The following BID variants were observed in gnomAD, a reference collection of about 807,000 sequenced individuals.
The protein encoded by BID is BH3-interacting domain death agonist.
BID carries 19 observed loss-of-function variants against 17.4 expected under a neutral mutation model. The ratio of observed to expected loss-of-function variants is 1.09; its 90% CI spans 0.76 to 1.60. The LOEUF is 1.60. BID is among the 40% of genes most tolerant of loss of function. The pLI is 0.00. For missense variants in BID, 226 were observed against 256.0 expected, an observed-to-expected ratio of 0.88 and a Z score of 0.80; for synonymous variants, 108 against 102.8, an observed-to-expected ratio of 1.05 and a Z score of -0.31.
intron 1 of BID, among the ~76,000 whole-genome samples, chr22:17,756,431 TCTTC>T (rs2061586222): frequency 3.6e-5 from 2 of 55,558 alleles, no homozygotes; most frequent in Admixed American, 2.2e-4. Context: ...TTTCTTTCTT[TCTTC>T]TTTCTTTCTT....
rs1337527027 is a variant in BID, at chr22:17,773,994, C to T, written c.-59+387G>A. 2 of 482,642 alleles carry T rather than the reference C, an allele frequency of 4.1e-6. No individual in the cohort carries two copies. The highest frequency in any genetic ancestry group is 7.9e-5 in the East Asian group (2 of 25,188). 29.9% of individuals were successfully genotyped at this position (482,642 alleles called of 1,614,324 possible). Reference sequence around the variant, plus strand: ...TCCGCCGGCAAGGGTGGCCTGCACCCGGCCAGGCCCGCGGGTTTTCTCCTC... The same window carrying T: ...TCCGCCGGCAAGGGTGGCCTGCACCTGGCCAGGCCCGCGGGTTTTCTCCTC... On this transcript the variant is annotated intron_variant, in intron 1 of 5. Transcript: ENST00000622694. This position sits in a 1 kb window ranked among gnomAD's most constrained non-coding sequence, Gnocchi z 4.4.
At chr22:17,754,612 A>G (rs1206258202) in intron 1 of BID, among the ~76,000 whole-genome samples, 2 of 152,280 alleles carry the variant, frequency 1.3e-5, no homozygotes, top group South Asian at 4.1e-4. Context: ...GGACAAGCAC[A>G]GCACACAGGT....
chr22:17,734,353 C>T lies in BID; in HGVS notation c.*1227G>A, dbSNP rs552900481. The T allele has an allele frequency of 3.7e-4, 57 of 152,264 alleles. No homozygotes were observed. Among genetic ancestry groups the T allele is most frequent in the African/African-American group, 1.3e-3 (56 of 41,558 alleles). The allele number at this position is 152,264 out of a possible 1,614,324, so 9.4% of individuals were successfully genotyped here. The stretch of plus-strand genomic sequence containing the variant: ...ATCTGGTAAGAAGAAATCATGAGTC[C>T]GTCAGTGCCCTTACTCATATGCGTC... On this transcript the variant is annotated 3_prime_UTR_variant, in exon 6 of 6. Transcript: ENST00000622694.
At chr22:17,753,202 A>C (rs1214662146) in intron 1 of BID, among the ~76,000 whole-genome samples, 1 of 142,864 alleles carries the variant, frequency 7.0e-6, no homozygotes, top group African/African-American at 2.6e-5. Context: ...TCCTGACCTC[A>C]TGATCCGCCC....
intron 1 of BID, among the ~76,000 whole-genome samples, chr22:17,759,601 A>C (rs2061621633): frequency 6.6e-6 from 1 of 152,038 alleles, no homozygotes; most frequent in South Asian, 2.1e-4. Context: ...TGCACCTGTA[A>C]TCTCAGCTCC....
At chr22:17,740,170 G>C in intron 3 of BID, 1 of 1,611,818 alleles carries the variant, frequency 6.2e-7, no homozygotes. Context: ...GTTATTGTCT[G>C]ACGCCCCTGC....
chr22:17,744,017 A>G lies in BID; in HGVS notation c.13-4T>C. 2 of 1,611,472 alleles carry G rather than the reference A, an allele frequency of 1.2e-6. No individual in the cohort carries two copies. Among genetic ancestry groups the G allele is most frequent in the Non-Finnish European group, 1.7e-6 (2 of 1,178,124 alleles). On this transcript the variant is annotated splice_polypyrimidine_tract_variant and splice_region_variant and intron_variant, in intron 2 of 5. Coordinates refer to ENST00000622694, the MANE Select transcript of BID (RefSeq NM_001196.4). ...TGAGGCTGGAACCGTTGTTGACCTG[A>G]GGGGAAAGGGGAGTCAGGAAGCCGG...
In BID at chr22:17,750,102, G is replaced by T; in HGVS notation, c.12+3C>A. The T allele has an allele frequency of 3.7e-6, 6 of 1,612,920 alleles. No individual in the cohort carries two copies. Among genetic ancestry groups the T allele is most frequent in the South Asian group, 1.1e-5 (1 of 90,910 alleles). On this transcript the variant is annotated splice_donor_region_variant and intron_variant, in intron 2 of 5. Transcript: ENST00000622694. ...GGCACCCGCAGGGGATCTGGCCTCTGACCTCACAGTCCATGGCCTGGGCAG... is the reference window on the plus strand; with the variant it reads ...GGCACCCGCAGGGGATCTGGCCTCTTACCTCACAGTCCATGGCCTGGGCAG...
intron 1 of BID, among the ~76,000 whole-genome samples, chr22:17,753,545 CATTT>C (rs1569045661): frequency 6.6e-6 from 1 of 152,238 alleles, no homozygotes; most frequent in Non-Finnish European, 1.5e-5. Context: ...CCTCTGGCTT[CATTT>C]GTCACTTAAG....
intron 1 of BID, among the ~76,000 whole-genome samples, chr22:17,751,846 G>A (rs1358657011): frequency 1.3e-5 from 2 of 152,202 alleles, no homozygotes; most frequent in Non-Finnish European, 2.9e-5. Context: ...CTGGCTCCGG[G>A]GCCATCTGCC....
chr22:17,768,129 A>G (rs116438615), intron 1 of BID, among the ~76,000 whole-genome samples: 1,603 of 152,336 alleles, frequency 0.011, 36 homozygotes, highest in African/African-American at 0.037. Context: ...AGCAGCCACC[A>G]GTGTGTCTGG....
At chr22:17,756,072 T>C (rs1366111501) in intron 1 of BID, among the ~76,000 whole-genome samples, 1 of 152,144 alleles carries the variant, frequency 6.6e-6, no homozygotes, top group Admixed American at 6.5e-5. Flanking sequence ...TTCACTATGT[T>C]AGCCAGGCTG....
chr22:17,744,343 C>T (rs1041690162), intron 2 of BID, among the ~76,000 whole-genome samples: 1 of 152,204 alleles, frequency 6.6e-6, no homozygotes, highest in Non-Finnish European at 1.5e-5. Flanking sequence ...TCCGGGGAGG[C>T]GAGCGAGTGT....
intron 1 of BID, among the ~76,000 whole-genome samples, chr22:17,768,931 A>T (rs1255481908): frequency 1.3e-5 from 2 of 149,988 alleles, no homozygotes; most frequent in African/African-American, 2.5e-5. Context: ...AGTCCCAGCT[A>T]CTCAGGAGGC....
chr22:17,756,132 G>C lies in BID; in HGVS notation c.-58-5958C>G, dbSNP rs1210562143. ...CCACCCTCCTTCGGCCTCCCAAAGT[G>C]CTGGGATTACAGGCGTGAGCCACTG... On this transcript the variant is annotated intron_variant, in intron 1 of 5. Coordinates refer to ENST00000622694, the MANE Select transcript of BID (RefSeq NM_001196.4). Among the ~76,000 whole-genome samples, 6 of 152,208 alleles carry C rather than the reference G, an allele frequency of 3.9e-5. No individual in the cohort carries two copies. In the South Asian group the frequency reaches 6.2e-4, roughly 16 times the overall value.
chr22:17,740,020 C>G, intron 3 of BID: 3 of 1,530,972 alleles, frequency 2.0e-6, no homozygotes, highest in Non-Finnish European at 2.7e-6. Flanking sequence ...CAGAGCTCTC[C>G]CCCTTGCCCC....
At chr22:17,754,266 A>G (rs114295059) in intron 1 of BID, among the ~76,000 whole-genome samples, 2,639 of 151,464 alleles carry the variant, frequency 0.017, 64 homozygotes, top group African/African-American at 0.059. Flanking sequence ...GGACTTTGCC[A>G]GACGGGGGTG....
chr22:17,762,136 A>C (rs1442010704), intron 1 of BID, among the ~76,000 whole-genome samples: 2 of 152,268 alleles, frequency 1.3e-5, no homozygotes, highest in Non-Finnish European at 2.9e-5. Flanking sequence ...TCAGTCAGAC[A>C]CCCAGGAGAT....
intron 1 of BID, among the ~76,000 whole-genome samples, chr22:17,754,374 G>A (rs1176718921): frequency 6.6e-6 from 1 of 152,278 alleles, no homozygotes; most frequent in African/African-American, 2.4e-5. Context: ...CCAGGAAGGC[G>A]CTTCTGCCCT....
Sources: allele counts gnomAD v4.1 joint callset (sites outside exome capture counted in the v4.1 genomes callset), GRCh38; gene constraint gnomAD v4.1.1; non-coding constraint Gnocchi (gnomAD v3.1); transcripts MANE v1.5; gene names NCBI Gene and HGNC (gene_info 2026-07-23, HGNC 2026-07-21).